C10orf53: variants seen among roughly 807,000 people sequenced by gnomAD.
C10orf53 encodes UPF0728 protein C10orf53.
Under a neutral mutation model 9.4 loss-of-function variants are expected in C10orf53, and 8 were observed. The observed-to-expected ratio is 0.85, with a 90% confidence interval of 0.50 to 1.53. C10orf53 has a LOEUF of 1.53. Ranked by LOEUF, C10orf53 falls within the 40% of genes most tolerant of loss-of-function variation. The probability of loss-of-function intolerance (pLI) is 0.00; values close to 1 mark genes in which losing one functional copy is unlikely to be tolerated. For synonymous variants in C10orf53, 48 were observed against 46.0 expected, an observed-to-expected ratio of 1.04 and a Z score of -0.18; for missense variants, 117 against 117.8, an observed-to-expected ratio of 0.99 and a Z score of 0.03.
At chr10:49,701,211 A>G (rs1840680335), downstream of C10orf53, among the ~76,000 whole-genome samples, 1 of 152,106 alleles carries the variant, frequency 6.6e-6, no homozygotes, top group African/African-American at 2.4e-5. Flanking sequence ...GAGAGAGGGC[A>G]CAGCTCCCTA....
chr10:49,691,748 C>T (rs1458725698), intron 1 of C10orf53, among the ~76,000 whole-genome samples: 2 of 152,336 alleles, frequency 1.3e-5, no homozygotes, highest in African/African-American at 4.8e-5. Context: ...AGTCAGCAGG[C>T]CCTGCAGGAG....
chr10:49,682,641 C>CTGCTGATTGGTCCATTTTACAGAG (rs1840491041), intron 1 of C10orf53, among the ~76,000 whole-genome samples: 1 of 152,154 alleles, frequency 6.6e-6, no homozygotes, highest in Non-Finnish European at 1.5e-5. Context: ...CGCCCATGTC[C>CTGCTGATTGGTCCATTTTACAGAG]TGCTGATTGG....
At chr10:49,701,552 C>T (rs1015206072), downstream of C10orf53, among the ~76,000 whole-genome samples, 4 of 152,118 alleles carry the variant, frequency 2.6e-5, no homozygotes, top group Non-Finnish European at 5.9e-5. Flanking sequence ...ATCAGGGTAC[C>T]CCAAATTTCT....
At chr10:49,706,365 A>C (rs1188701611) in intron 2 of C10orf53, among the ~76,000 whole-genome samples, 2 of 152,238 alleles carry the variant, frequency 1.3e-5, no homozygotes, top group Admixed American at 1.3e-4. Context: ...AATAAGCAAA[A>C]TGTGGTCTAT....
At chr10:49,683,847 G>A (rs1840502652) in intron 1 of C10orf53, among the ~76,000 whole-genome samples, 1 of 152,168 alleles carries the variant, frequency 6.6e-6, no homozygotes. Flanking sequence ...AGTGAATCAA[G>A]ATTGTGCCAC....
intron 1 of C10orf53, among the ~76,000 whole-genome samples, chr10:49,689,143 G>A (rs576381799): frequency 8.5e-5 from 13 of 152,236 alleles, no homozygotes; most frequent in African/African-American, 3.1e-4. Flanking sequence ...CAGGAGGCAA[G>A]ACTGCGGAGG....
chr10:49,687,964 A>T (rs564323551), intron 1 of C10orf53, among the ~76,000 whole-genome samples: 11 of 152,338 alleles, frequency 7.2e-5, no homozygotes, highest in Admixed American at 2.0e-4. Context: ...AGAAATATTA[A>T]GCCAGTGGCT....
intron 1 of C10orf53, among the ~76,000 whole-genome samples, chr10:49,686,344 A>C (rs1840528148): frequency 6.6e-6 from 1 of 152,168 alleles, no homozygotes; most frequent in African/African-American, 2.4e-5. Context: ...CCACTATTTT[A>C]CAAATTGATT....
chr10:49,709,064 C>T (rs1248562205), exon 3 of C10orf53: 2 of 171,650 alleles, frequency 1.2e-5, no homozygotes, highest in African/African-American at 4.8e-5. Flanking sequence ...TCATCTTTCC[C>T]AAGCATTGAT....
downstream of C10orf53, among the ~76,000 whole-genome samples, chr10:49,697,940 G>A (rs536400077): frequency 6.6e-6 from 1 of 152,174 alleles, no homozygotes; most frequent in South Asian, 2.1e-4. Flanking sequence ...GGCCTTCCTG[G>A]GCTCCTCCCT....
downstream of C10orf53, among the ~76,000 whole-genome samples, chr10:49,702,373 AT>A (rs1267900122): frequency 1.3e-5 from 2 of 152,056 alleles, no homozygotes; most frequent in African/African-American, 4.8e-5. Flanking sequence ...CTGTGAGGAT[AT>A]TTCTGGCTGA....
intron 1 of C10orf53, 130 bp from the exon 2 acceptor site, chr10:49,693,644 C>T (rs995684129): frequency 2.6e-6 from 3 of 1,160,218 alleles, no homozygotes; most frequent in Non-Finnish European, 3.7e-6. Context: ...AAGTGCCTAC[C>T]AGGGCAGTTG....
intron 1 of C10orf53, among the ~76,000 whole-genome samples, chr10:49,689,288 A>G (rs1840559706): frequency 6.6e-6 from 1 of 152,168 alleles, no homozygotes; most frequent in Non-Finnish European, 1.5e-5. Flanking sequence ...GGGGCAAGCG[A>G]TGGCATTTCA....
At chr10:49,694,290 G>A (rs1286490996) in intron 2 of C10orf53, 1 of 600,488 alleles carries the variant, frequency 1.7e-6, no homozygotes, top group Non-Finnish European at 2.9e-6. Context: ...TGATATGCCA[G>A]CAGTGCATGA....
chr10:49,688,709 A>G lies in C10orf53; in HGVS notation c.98-5065A>G, dbSNP rs1008061237. 6.1e-5 allele frequency among the ~76,000 whole-genome samples: 9 copies of G among 148,314 alleles called. No homozygotes were observed. The East Asian group carries it at 1.6e-3, about 27-fold the overall frequency. The stretch of plus-strand genomic sequence containing the variant: ...CACAGCCACCTCCTGCAGTCCTTCA[A>G]TGATCCTAGCCAGCTCCCACCTCAG... On this transcript the variant is annotated intron_variant, in intron 1 of 2. Transcript: ENST00000374111.
At chr10:49,681,683 G>A (rs374109005) in intron 1 of C10orf53, among the ~76,000 whole-genome samples, 1 of 152,160 alleles carries the variant, frequency 6.6e-6, no homozygotes, top group Non-Finnish European at 1.5e-5. Flanking sequence ...GGCTCTGGGC[G>A]CTCTTCCTGG....
At chr10:49,693,134 A>T (rs1350585615) in intron 1 of C10orf53, among the ~76,000 whole-genome samples, 1 of 152,200 alleles carries the variant, frequency 6.6e-6, no homozygotes, top group South Asian at 2.1e-4. Flanking sequence ...AAGTTCATGA[A>T]CATTTTTATA....
At chr10:49,703,334 G>A (rs1840697908) in intron 2 of C10orf53, among the ~76,000 whole-genome samples, 1 of 152,178 alleles carries the variant, frequency 6.6e-6, no homozygotes, top group South Asian at 2.1e-4. Context: ...GCACTGGGCA[G>A]AAATTATATC....
chr10:49,688,149 A>T (rs1358234100), intron 1 of C10orf53, among the ~76,000 whole-genome samples: 5 of 151,934 alleles, frequency 3.3e-5, no homozygotes, highest in Non-Finnish European at 4.4e-5. Flanking sequence ...TATGCCCCAA[A>T]TTTCCAGCTA....
Sources: gnomAD v4.1 joint callset for allele counts (sites outside exome capture counted in the v4.1 genomes callset) on GRCh38, gnomAD v4.1.1 for gene constraint, MANE v1.5 for transcripts, NCBI Gene and HGNC (gene_info 2026-07-23, HGNC 2026-07-21) for gene names.